Variants in ENTREP2 observed in about 807,000 individuals in gnomAD.
ENTREP2 encodes the protein endosomal transmembrane epsin interactor 2.
At chr15:29,165,596 C>G in the ENTREP2 span, among the ~76,000 whole-genome samples, 2 of 152,234 alleles carry the variant, frequency 1.3e-5, no homozygotes, top group Admixed American at 1.3e-4. Context: ...TGGATAAATT[C>G]TGGAAAGATA....
chr15:29,652,678 C>A, the ENTREP2 span, among the ~76,000 whole-genome samples: 1 of 152,230 alleles, frequency 6.6e-6, no homozygotes, highest in Non-Finnish European at 1.5e-5. Flanking sequence ...TGTGGTGTGC[C>A]TCCTCCAGCT....
the ENTREP2 span, among the ~76,000 whole-genome samples, chr15:29,135,637 A>G: frequency 3.3e-5 from 5 of 152,206 alleles, no homozygotes; most frequent in South Asian, 1.0e-3. This position sits in a 1 kb window ranked among gnomAD's most constrained non-coding sequence, Gnocchi z 7.4. Flanking sequence ...ATTTCGTCCC[A>G]TAACCCTGGT....
At chr15:29,574,832 A>C in the ENTREP2 span, among the ~76,000 whole-genome samples, 2 of 152,242 alleles carry the variant, frequency 1.3e-5, no homozygotes, top group East Asian at 3.9e-4. Context: ...TGGATCTCAC[A>C]ATTTCTGCCT....
At chr15:29,353,811 G>A in the ENTREP2 span, among the ~76,000 whole-genome samples, 1 of 152,188 alleles carries the variant, frequency 6.6e-6, no homozygotes, top group Admixed American at 6.5e-5. Flanking sequence ...TGATCCCCAT[G>A]TTACCAGTGG....
At chr15:29,530,092 C>T in the ENTREP2 span, among the ~76,000 whole-genome samples, 2 of 152,108 alleles carry the variant, frequency 1.3e-5, no homozygotes, top group African/African-American at 4.8e-5. Context: ...TGGTCTTTCC[C>T]GCTCACATCT....
At chr15:29,260,156 T>G in the ENTREP2 span, among the ~76,000 whole-genome samples, 2 of 152,104 alleles carry the variant, frequency 1.3e-5, no homozygotes, top group Admixed American at 6.6e-5. Flanking sequence ...CTCAAACATC[T>G]AAGGAATTAA....
At chr15:29,126,469 GA>G in the ENTREP2 span, 1 of 1,550,068 alleles carries the variant, frequency 6.5e-7, no homozygotes, top group African/African-American at 1.4e-5. Context: ...CGGACACCAG[GA>G]GGCTTGTGCT....
the ENTREP2 span, among the ~76,000 whole-genome samples, chr15:29,595,870 A>G: frequency 1.6e-3 from 244 of 152,170 alleles, 2 homozygotes; most frequent in African/African-American, 5.8e-3. Context: ...CAGTTGGCCT[A>G]TGTGTCCCTT....
At chr15:29,568,121 A>G in the ENTREP2 span, among the ~76,000 whole-genome samples, 10 of 152,272 alleles carry the variant, frequency 6.6e-5, no homozygotes, top group Admixed American at 5.9e-4. Context: ...TCATTTCTGC[A>G]AAGTGTTGTA....
chr15:29,517,043 A>G, the ENTREP2 span, among the ~76,000 whole-genome samples: 1 of 152,022 alleles, frequency 6.6e-6, no homozygotes, highest in Non-Finnish European at 1.5e-5. Context: ...AGAAGTTAGA[A>G]ATGGCCTTAG....
At chr15:29,600,483 CGT>C in the ENTREP2 span, among the ~76,000 whole-genome samples, 3 of 150,364 alleles carry the variant, frequency 2.0e-5, no homozygotes, top group Non-Finnish European at 4.5e-5. Flanking sequence ...TCATCATCAT[CGT>C]CATCTCATCA....
the ENTREP2 span, among the ~76,000 whole-genome samples, chr15:29,200,407 C>T: frequency 6.6e-6 from 1 of 152,086 alleles, no homozygotes; most frequent in Non-Finnish European, 1.5e-5. Context: ...AATTCCTGGC[C>T]TCAAGTGATC....
the ENTREP2 span, among the ~76,000 whole-genome samples, chr15:29,513,553 G>T: frequency 6.6e-6 from 1 of 152,144 alleles, no homozygotes; most frequent in African/African-American, 2.4e-5. Flanking sequence ...ATGATACAGG[G>T]GAGAGTGCAT....
At chr15:29,169,354 C>G in the ENTREP2 span, among the ~76,000 whole-genome samples, 1 of 151,914 alleles carries the variant, frequency 6.6e-6, no homozygotes, top group Non-Finnish European at 1.5e-5. Context: ...CAAAATGTAC[C>G]CTAAATCTAC....
At chr15:29,303,279 T>G in the ENTREP2 span, among the ~76,000 whole-genome samples, 26,434 of 152,222 alleles carry the variant, frequency 0.17, 2,853 homozygotes, top group Non-Finnish European at 0.24. Context: ...ATTTCAGCCT[T>G]TTACATTTGT....
the ENTREP2 span, among the ~76,000 whole-genome samples, chr15:29,207,034 C>G: frequency 6.6e-6 from 1 of 152,144 alleles, no homozygotes; most frequent in Admixed American, 6.5e-5. Flanking sequence ...GAGCCACTTT[C>G]CCGCGAGTGG....
chr15:29,284,639 G>A, the ENTREP2 span, among the ~76,000 whole-genome samples: 3 of 151,894 alleles, frequency 2.0e-5, no homozygotes, highest in Admixed American at 6.6e-5. Context: ...AATAGATCAT[G>A]GGCTAACATT....
chr15:29,209,718 G>A, the ENTREP2 span, among the ~76,000 whole-genome samples: 1 of 152,044 alleles, frequency 6.6e-6, no homozygotes, highest in Non-Finnish European at 1.5e-5. Flanking sequence ...ACAGGGAAAA[G>A]GTGGGCTTCT....
At chr15:29,171,974 T>C in the ENTREP2 span, among the ~76,000 whole-genome samples, 1 of 152,188 alleles carries the variant, frequency 6.6e-6, no homozygotes, top group Non-Finnish European at 1.5e-5. Context: ...GGGGCACATT[T>C]CTTTTAACCT....
Sources: gnomAD v4.1 joint callset for allele counts (sites outside exome capture counted in the v4.1 genomes callset) on GRCh38, gnomAD v4.1.1 for gene constraint, Gnocchi (gnomAD v3.1) non-coding constraint, MANE v1.5 for transcripts, NCBI Gene and HGNC (gene_info 2026-07-23, HGNC 2026-07-21) for gene names.